UTRN: variants seen among roughly 807,000 people sequenced by gnomAD.
The protein encoded by UTRN is dystrophin-related protein 1.
In UTRN, 283 loss-of-function variants were observed where a neutral mutation model predicts 463.9. The observed-to-expected ratio is 0.61, with a 90% CI of 0.55 to 0.67. The LOEUF is 0.67. UTRN is among the 30% of genes least tolerant of loss of function. The probability of loss-of-function intolerance (pLI) is 0.00; values close to 1 mark genes in which losing one functional copy is unlikely to be tolerated. For synonymous variants in UTRN, 1,442 were observed against 1,431.5 expected (o/e 1.01, Z -0.17); for missense variants, 3,922 against 4,084.3 (o/e 0.96, Z 1.08).
In UTRN at chr6:144,437,723, G is replaced by A; in HGVS notation, c.1218G>A (p.Val406=). 6.2e-7 allele frequency: 1 copy of A among 1,613,670 alleles called. No homozygotes were observed. Among genetic ancestry groups the A allele is most frequent in the South Asian group, 1.1e-5 (1 of 91,022 alleles). ...ATGCTAGATGGGAGGCTCTTAGGGT[G>A]GAGAGTATGGACAGACAGTCCCGGT... ...LLNARWEALR[V]ESMDRQSRLH... The change falls in exon 11 of 75, where the codon GTG becomes GTA. Residue 406 remains valine, a synonymous_variant. Transcript: ENST00000367545.
chr6:144,562,330 A>G (rs1394325519), intron 50 of UTRN, among the ~76,000 whole-genome samples: 1 of 152,052 alleles, frequency 6.6e-6, no homozygotes, highest in Non-Finnish European at 1.5e-5. Context: ...AGCATTCATT[A>G]GCTATATATC....
chr6:144,596,049 C>G (rs1352775760), intron 51 of UTRN, among the ~76,000 whole-genome samples: 1 of 152,076 alleles, frequency 6.6e-6, no homozygotes, highest in Non-Finnish European at 1.5e-5. Context: ...ATGCTTATTT[C>G]TAAAAGCTGA....
At chr6:144,554,989 G>C in intron 49 of UTRN, 96 bp downstream of exon 49, 13 of 1,351,308 alleles carry the variant, frequency 9.6e-6, no homozygotes, top group Non-Finnish European at 1.3e-5. Context: ...ACCCTGCCAT[G>C]TTTTTTCCTA....
At chr6:144,593,628 C>A (rs575520630) in intron 51 of UTRN, among the ~76,000 whole-genome samples, 1 of 152,286 alleles carries the variant, frequency 6.6e-6, no homozygotes, top group South Asian at 2.1e-4. Context: ...AAGAACTCAG[C>A]CATGACTTGG....
rs74602065 is a variant in UTRN at position 144,634,470 on chromosome 6, A to G, written c.7480-43936A>G. Among the ~76,000 whole-genome samples, 309 of 152,326 alleles carry G rather than the reference A, an allele frequency of 2.0e-3. 10 individuals are homozygous for G. In the East Asian group the frequency reaches 0.049, roughly 24 times the overall value. On this transcript the variant is annotated intron_variant, in intron 51 of 74. Coordinates refer to ENST00000367545, the MANE Select transcript of UTRN (RefSeq NM_007124.3). ...AAGTTCTTTTCTGTTTCTGGCAGCAATGGCTCAGGATTAGGGTTTATGAGG... is the reference window on the plus strand; with the variant it reads ...AAGTTCTTTTCTGTTTCTGGCAGCAGTGGCTCAGGATTAGGGTTTATGAGG...
intron 26 of UTRN, 75 bp from the exon 27 acceptor site, chr6:144,482,134 A>G: frequency 1.5e-6 from 2 of 1,337,526 alleles, no homozygotes; most frequent in South Asian, 2.2e-5. Context: ...ATTCTTGAAA[A>G]AAAAAGAAAG....
chr6:144,830,614 C>T (rs1328576031), intron 69 of UTRN, among the ~76,000 whole-genome samples: 5 of 152,218 alleles, frequency 3.3e-5, no homozygotes, highest in Non-Finnish European at 7.3e-5. Context: ...CATCCTGCAA[C>T]CCACAGGCCA....
chr6:144,703,428 G>A (rs1164758424), intron 53 of UTRN, among the ~76,000 whole-genome samples: 1 of 152,162 alleles, frequency 6.6e-6, no homozygotes, highest in African/African-American at 2.4e-5. Context: ...CTGTATATCA[G>A]CCCTGGGATT....
At chr6:144,506,844 A>G (rs889519443) in intron 34 of UTRN, among the ~76,000 whole-genome samples, 8 of 152,132 alleles carry the variant, frequency 5.3e-5, no homozygotes, top group African/African-American at 1.7e-4. Flanking sequence ...CTTGCATAAT[A>G]TCTTGAAGTG....
intron 55 of UTRN, among the ~76,000 whole-genome samples, chr6:144,750,426 T>A (rs1269841345): frequency 6.6e-6 from 1 of 152,144 alleles, no homozygotes; most frequent in African/African-American, 2.4e-5. Flanking sequence ...TTTGAAATGT[T>A]GGTAGCTGCA....
At chr6:144,624,950 AG>A (rs35472777) in intron 51 of UTRN, among the ~76,000 whole-genome samples, 2,826 of 152,292 alleles carry the variant, frequency 0.019, 74 homozygotes, top group African/African-American at 0.064. Flanking sequence ...GTTTTCTCTG[AG>A]GGCAGAGTCA....
rs752093864 is a variant in UTRN at position 144,843,700 on chromosome 6, G to C, written c.10270+2868G>C. On this transcript the variant is annotated intron_variant, in intron 73 of 74. Coordinates refer to ENST00000367545, the MANE Select transcript of UTRN (RefSeq NM_007124.3). ...ACCAATGTCATTCTCAGTGTTCAGA[G>C]AGTGGTTTATGGAGCCCTGAGATTC... is the stretch of plus-strand genomic sequence containing the variant. Among the ~76,000 whole-genome samples, 7 of 152,312 alleles carry C rather than the reference G, an allele frequency of 4.6e-5. No individual in the cohort carries two copies. The East Asian group carries it at 7.7e-4, about 17-fold the overall frequency.
chr6:144,808,190 G>A (rs550556742), intron 65 of UTRN, among the ~76,000 whole-genome samples: 1 of 152,120 alleles, frequency 6.6e-6, no homozygotes, highest in Non-Finnish European at 1.5e-5. Flanking sequence ...AAAATTTCAT[G>A]AAGGAGAAAA....
chr6:144,487,101 C>G (rs527571728), intron 28 of UTRN, among the ~76,000 whole-genome samples: 7 of 152,160 alleles, frequency 4.6e-5, no homozygotes, highest in African/African-American at 1.7e-4. Context: ...GTACTGTTCT[C>G]TGCCTTTGAA....
In UTRN at chr6:144,533,229, A is replaced by C; in HGVS notation, c.6202A>C (p.Ile2068Leu). 1 of 1,614,136 alleles carries C rather than the reference A, an allele frequency of 6.2e-7. No individual in the cohort carries two copies. The highest frequency in any genetic ancestry group is 1.1e-5 in the South Asian group (1 of 91,082). ...AGGTTTAAACCAACGCTGGGATGCA[A>C]TTGTTGCAGAAGTGAAGGATAGGCA... ...LAGLNQRWDA[I>L]VAEVKDRQPR... Residue 2068 changes from isoleucine to leucine, a missense_variant, in exon 43 of 75, where the codon ATT becomes CTT. By Grantham distance (5) the Ile-to-Leu change is conservative. Transcript: ENST00000367545.
At chr6:144,576,473 T>A (rs932376791) in intron 50 of UTRN, among the ~76,000 whole-genome samples, 1 of 152,202 alleles carries the variant, frequency 6.6e-6, no homozygotes, top group Non-Finnish European at 1.5e-5. Context: ...GCATTCTAAA[T>A]ATTACTAAAT....
chr6:144,355,224 T>G (rs914633833), intron 2 of UTRN, among the ~76,000 whole-genome samples: 22 of 152,324 alleles, frequency 1.4e-4, no homozygotes, highest in African/African-American at 4.6e-4. Context: ...TTTCTTTCTT[T>G]TTTTTGAGAC....
At chr6:144,791,646 G>A (rs150101783) in intron 62 of UTRN, among the ~76,000 whole-genome samples, 61 of 151,008 alleles carry the variant, frequency 4.0e-4, no homozygotes, top group African/African-American at 1.4e-3. Flanking sequence ...TTATTTATTA[G>A]AATTTGAGTT....
At chr6:144,544,490 T>A (rs1343115695) in intron 46 of UTRN, among the ~76,000 whole-genome samples, 1 of 152,184 alleles carries the variant, frequency 6.6e-6, no homozygotes. Flanking sequence ...TCTGGATATT[T>A]CATATAAATG....
Sources: gnomAD v4.1 joint callset for allele counts (sites outside exome capture counted in the v4.1 genomes callset) on GRCh38, gnomAD v4.1.1 for gene constraint, MANE v1.5 for transcripts, NCBI Gene and HGNC (gene_info 2026-07-23, HGNC 2026-07-21) for gene names.